OLA1: variants seen among roughly 807,000 people sequenced by gnomAD.
OLA1 encodes obg-like ATPase 1.
In OLA1, 14 loss-of-function variants were observed where a neutral mutation model predicts 48.4. The observed-to-expected ratio is 0.29, with a 90% CI of 0.19 to 0.45. The LOEUF is 0.45. OLA1 is among the 20% of genes least tolerant of loss of function. OLA1 has a pLI of 1.00. For missense variants in OLA1, 325 were observed against 467.1 expected (o/e 0.70, Z 2.80); for synonymous variants, 127 against 150.4 (o/e 0.84, Z 1.14).
chr2:174,077,084 T>C (rs1273151506), intron 10 of OLA1, among the ~76,000 whole-genome samples: 1 of 152,014 alleles, frequency 6.6e-6, no homozygotes, highest in African/African-American at 2.4e-5. Flanking sequence ...GAAACACTGG[T>C]TGAAAAAAAA....
At chr2:174,144,807 G>A (rs111432181) in intron 4 of OLA1, among the ~76,000 whole-genome samples, 303 of 150,510 alleles carry the variant, frequency 2.0e-3, no homozygotes, top group Middle Eastern at 6.8e-3. Context: ...AATTAGCCAC[G>A]CATGGTGGTG....
chr2:174,217,400 C>T (rs1688386364), intron 4 of OLA1, among the ~76,000 whole-genome samples: 1 of 152,022 alleles, frequency 6.6e-6, no homozygotes, highest in Admixed American at 6.6e-5. Flanking sequence ...ATAGCTGCAC[C>T]AACCTGCTAA....
intron 7 of OLA1, among the ~76,000 whole-genome samples, chr2:174,087,058 C>T (rs558084839): frequency 1.2e-3 from 176 of 149,028 alleles, no homozygotes; most frequent in Non-Finnish European, 2.2e-3. Flanking sequence ...GACAAAGTCT[C>T]GCTCTGTCGC....
intron 4 of OLA1, among the ~76,000 whole-genome samples, chr2:174,144,730 A>G (rs1686537092): frequency 6.6e-6 from 1 of 151,288 alleles, no homozygotes; most frequent in South Asian, 2.1e-4. Context: ...AGGCAGGAGG[A>G]TCGCCTGAGC....
chr2:174,242,797 C>T (rs1406752082), intron 2 of OLA1, among the ~76,000 whole-genome samples: 1 of 152,192 alleles, frequency 6.6e-6, no homozygotes, highest in African/African-American at 2.4e-5. Flanking sequence ...TTCTCTAAGC[C>T]TCACAACCAC....
intron 7 of OLA1, among the ~76,000 whole-genome samples, chr2:174,097,729 A>AG: frequency 6.6e-6 from 1 of 151,314 alleles, no homozygotes; most frequent in East Asian, 1.9e-4. Context: ...TCTCAAAAAA[A>AG]GAAAAAAAAA....
chr2:174,223,765 C>CAA (rs71021680), intron 3 of OLA1, among the ~76,000 whole-genome samples: 507 of 73,264 alleles, frequency 6.9e-3, no homozygotes, highest in Non-Finnish European at 8.1e-3. Context: ...GTTATATAGA[C>CAA]AAAAAAAAAA....
rs529917258 is a variant in OLA1 at position 174,113,065 on chromosome 2, C to T, written c.728+10115G>A. Among the ~76,000 whole-genome samples, 603 of 152,146 alleles carry T rather than the reference C, an allele frequency of 4.0e-3. 4 individuals carry two copies. Among genetic ancestry groups the T allele is most frequent in the African/African-American group, 6.9e-3 (285 of 41,506 alleles). On this transcript the variant is annotated intron_variant, in intron 7 of 10. Transcript: ENST00000284719. ...AAGCGATTCTCCTGCCTCAGCCTCC[C>T]GAGTAGCTGGGATTACAGGTGCCCG...
At chr2:174,228,846 G>A (rs1688667748) in intron 3 of OLA1, among the ~76,000 whole-genome samples, 1 of 152,004 alleles carries the variant, frequency 6.6e-6, no homozygotes, top group Non-Finnish European at 1.5e-5. Flanking sequence ...TAACAACTGG[G>A]TATACCCTTC....
chr2:174,236,753 A>C (rs1204831936), intron 2 of OLA1, among the ~76,000 whole-genome samples: 1 of 152,216 alleles, frequency 6.6e-6, no homozygotes, highest in Non-Finnish European at 1.5e-5. Flanking sequence ...TGTACTGAAC[A>C]CTGTAGACAA....
chr2:174,140,923 T>A (rs767219918), intron 5 of OLA1, among the ~76,000 whole-genome samples: 5 of 151,708 alleles, frequency 3.3e-5, no homozygotes, highest in South Asian at 2.1e-4. Flanking sequence ...ATTTTATTTT[T>A]AAAAATATTT....
At chr2:174,204,854 TC>T (rs1190572552) in intron 4 of OLA1, among the ~76,000 whole-genome samples, 1 of 152,214 alleles carries the variant, frequency 6.6e-6, no homozygotes, top group Non-Finnish European at 1.5e-5. Flanking sequence ...TTTTAAATTC[TC>T]CGAGAATCAG....
In OLA1 at chr2:174,219,006, T is replaced by TTTTTTTTTTG. The variant is rs57416373; in HGVS notation, c.373+4026_373+4027insCAAAAAAAAA. ...CCGGCTAATTTTTTTTTTTTTTTTTTGTAGCAATGTGGTCTCCCTGTGCTT... is the reference window on the plus strand; with the variant it reads ...CCGGCTAATTTTTTTTTTTTTTTTTTTTTTTTTTTGGTAGCAATGTGGTCTCCCTGTGCTT... On this transcript the variant is annotated intron_variant, in intron 4 of 10. Coordinates refer to ENST00000284719, the MANE Select transcript of OLA1 (RefSeq NM_013341.5). 3.1e-4 allele frequency among the ~76,000 whole-genome samples: 42 copies of TTTTTTTTTTG among 135,794 alleles called. 1 individual carries two copies. Among genetic ancestry groups the TTTTTTTTTTG allele is most frequent in the East Asian group, 5.1e-4 (2 of 3,896 alleles). The allele number at this position is 135,794 out of a possible 152,430, so 89.1% of individuals were successfully genotyped here. A position where few individuals can be genotyped will look rare whatever the true frequency, so the allele number is the denominator to read the frequency against.
chr2:174,119,876 A>G (rs1685873181), intron 7 of OLA1, among the ~76,000 whole-genome samples: 2 of 152,096 alleles, frequency 1.3e-5, no homozygotes, highest in South Asian at 2.1e-4. Flanking sequence ...GACTCATATA[A>G]TATTACCCAA....
chr2:174,174,043 A>C (rs200690235), intron 4 of OLA1, among the ~76,000 whole-genome samples: 25,036 of 78,736 alleles, frequency 0.32, 2,748 homozygotes, highest in African/African-American at 0.44. Flanking sequence ...CACAAAAAAA[A>C]AAAAAAAAAC....
intron 10 of OLA1, 144 bp downstream of exon 10, chr2:174,078,824 G>T: frequency 3.0e-6 from 2 of 677,264 alleles, no homozygotes; most frequent in Non-Finnish European, 4.5e-6. Flanking sequence ...TAAGTCAGTT[G>T]ATAGTAACAC....
chr2:174,165,716 T>C (rs1330108889), intron 4 of OLA1, among the ~76,000 whole-genome samples: 1 of 152,190 alleles, frequency 6.6e-6, no homozygotes, highest in African/African-American at 2.4e-5. Context: ...AAGGACCGGA[T>C]TAGCTTATCA....
intron 7 of OLA1, among the ~76,000 whole-genome samples, chr2:174,102,561 C>G (rs1685422287): frequency 6.6e-6 from 1 of 151,788 alleles, no homozygotes; most frequent in Non-Finnish European, 1.5e-5. Flanking sequence ...CATTCAAGAC[C>G]CCCACCCCCA....
chr2:174,221,478 C>T (rs962930500), intron 4 of OLA1, among the ~76,000 whole-genome samples: 1 of 152,144 alleles, frequency 6.6e-6, no homozygotes, highest in African/African-American at 2.4e-5. Flanking sequence ...GGAATCAGAT[C>T]CATAAGCCTT....
Sources: gnomAD v4.1 joint callset for allele counts (sites outside exome capture counted in the v4.1 genomes callset) on GRCh38, gnomAD v4.1.1 for gene constraint, MANE v1.5 for transcripts, NCBI Gene and HGNC (gene_info 2026-07-23, HGNC 2026-07-21) for gene names.